Variants in RBMS1 observed in about 807,000 individuals in gnomAD.
The protein encoded by RBMS1 is RNA binding motif single stranded interacting protein 1.
RBMS1 carries 17 observed loss-of-function variants against 62.3 expected under a neutral mutation model. That is an observed-to-expected ratio of 0.27 (90% CI 0.19 to 0.41). The LOEUF is 0.41. Among genes scored for constraint, RBMS1 ranks in the 10% least tolerant of loss-of-function variants. The pLI is 1.00. For synonymous variants in RBMS1, 172 were observed against 170.0 expected (o/e 1.01, Z -0.09); for missense variants, 334 against 504.5 (o/e 0.66, Z 3.24).
intron 1 of RBMS1, among the ~76,000 whole-genome samples, chr2:160,414,709 T>C (rs534875588): frequency 4.6e-5 from 7 of 152,274 alleles, no homozygotes; most frequent in African/African-American, 1.7e-4. Flanking sequence ...GGGTTATCTA[T>C]AAGTTTCTGT....
intron 1 of RBMS1, among the ~76,000 whole-genome samples, chr2:160,424,375 G>GGA (rs1553522169): frequency 7.6e-6 from 1 of 131,688 alleles, no homozygotes; most frequent in Non-Finnish European, 1.6e-5. Flanking sequence ...TGGGGGGGGG[G>GGA]GGAAACAAAA....
At chr2:160,463,572 G>C (rs1352138279) in intron 1 of RBMS1, among the ~76,000 whole-genome samples, 1 of 152,188 alleles carries the variant, frequency 6.6e-6, no homozygotes, top group African/African-American at 2.4e-5. Context: ...ATCATCTGAG[G>C]TCAGGAGTTC....
rs796375574 is a variant in RBMS1, at chr2:160,455,045, CAA to C, written c.75+38242_75+38243del. Among the ~76,000 whole-genome samples, 175 of 152,290 alleles carry C rather than the reference CAA, an allele frequency of 1.1e-3. 2 individuals are homozygous for C. Among genetic ancestry groups the C allele is most frequent in the African/African-American group, 3.8e-3 (158 of 41,550 alleles). On this transcript the variant is annotated intron_variant, in intron 1 of 13. Transcript: ENST00000348849. Reference sequence around the variant, plus strand: ...CTCTGAATCGTATACTTCAGGTACACAAAGTTACAATGCAGATCCTGGTTCCT... The same window carrying C: ...CTCTGAATCGTATACTTCAGGTACACAGTTACAATGCAGATCCTGGTTCCT...
intron 1 of RBMS1, among the ~76,000 whole-genome samples, chr2:160,439,358 G>C (rs913454190): frequency 1.3e-5 from 2 of 150,914 alleles, no homozygotes; most frequent in African/African-American, 4.9e-5. Flanking sequence ...GCCAGGCAGA[G>C]GGTCTCCTCA....
intron 1 of RBMS1, among the ~76,000 whole-genome samples, chr2:160,441,386 T>C (rs1008114954): frequency 1.3e-5 from 2 of 152,196 alleles, no homozygotes; most frequent in African/African-American, 4.8e-5. Flanking sequence ...TACCTAAGGG[T>C]GGTATTTCTG....
chr2:160,284,604 C>T (rs1242902407), intron 9 of RBMS1, 171 bp downstream of exon 9: 1 of 619,872 alleles, frequency 1.6e-6, no homozygotes, highest in Non-Finnish European at 2.9e-6. Context: ...TTCTCCTATA[C>T]ATAAATTGCT....
At chr2:160,405,587 G>A (rs1389986723) in intron 1 of RBMS1, among the ~76,000 whole-genome samples, 1 of 152,158 alleles carries the variant, frequency 6.6e-6, no homozygotes, top group South Asian at 2.1e-4. Flanking sequence ...CCGGGGTCTT[G>A]TGTCTGTATA....
intron 1 of RBMS1, chr2:160,407,672 G>A (rs1196638493): frequency 1.2e-5 from 12 of 981,766 alleles, no homozygotes; most frequent in Non-Finnish European, 1.3e-5. Flanking sequence ...GCGCGGCGGC[G>A]GCCGGCGGGG....
In RBMS1 at chr2:160,311,234, A is replaced by ATCTATC. The variant is rs781541742; in HGVS notation, c.402+1921_402+1922insGATAGA. Reference sequence around the variant, plus strand: ...AATCTATCTATCTATCTATCTATCTATATATATATATATATATATATATAG... The same window carrying ATCTATC: ...AATCTATCTATCTATCTATCTATCTATCTATCTATATATATATATATATATATATAG... On this transcript the variant is annotated intron_variant, in intron 4 of 13. Transcript: ENST00000348849. Among the ~76,000 whole-genome samples, 570 of 107,416 alleles carry ATCTATC rather than the reference A, an allele frequency of 5.3e-3. 16 individuals carry two copies. The highest frequency in any genetic ancestry group is 0.034 in the South Asian group (107 of 3,130). The allele number at this position is 107,416 out of a possible 152,430, so 70.5% of individuals were successfully genotyped here.
chr2:160,386,540 CAAA>C (rs60611251), intron 1 of RBMS1, among the ~76,000 whole-genome samples: 15 of 138,316 alleles, frequency 1.1e-4, no homozygotes, highest in Non-Finnish European at 9.4e-5. Context: ...GACTCCATCT[CAAA>C]AAAAAAAAAA....
At chr2:160,332,490 C>A (rs1334390902) in intron 2 of RBMS1, among the ~76,000 whole-genome samples, 1 of 152,174 alleles carries the variant, frequency 6.6e-6, no homozygotes, top group African/African-American at 2.4e-5. Context: ...CTCATTCTCT[C>A]TGGGATTCAG....
chr2:160,292,052 T>G (rs893290271), intron 6 of RBMS1, among the ~76,000 whole-genome samples: 1 of 152,228 alleles, frequency 6.6e-6, no homozygotes, highest in Non-Finnish European at 1.5e-5. Context: ...TTTATTTGCA[T>G]AGTTTATTAT....
intron 2 of RBMS1, among the ~76,000 whole-genome samples, chr2:160,326,070 G>A (rs1287383734): frequency 1.3e-5 from 2 of 152,102 alleles, no homozygotes; most frequent in Admixed American, 1.3e-4. Flanking sequence ...GTATGTAGCT[G>A]GAATTGAAGC....
chr2:160,334,137 T>C (rs1000294021), intron 2 of RBMS1, among the ~76,000 whole-genome samples: 1 of 152,202 alleles, frequency 6.6e-6, no homozygotes, highest in Non-Finnish European at 1.5e-5. Context: ...TTATCTATAG[T>C]ACTTAAAGAT....
chr2:160,333,262 C>A (rs1275688322), intron 2 of RBMS1, among the ~76,000 whole-genome samples: 1 of 152,006 alleles, frequency 6.6e-6, no homozygotes, highest in East Asian at 1.9e-4. Context: ...ATATTGTGAT[C>A]CTAATAATAA....
intron 1 of RBMS1, among the ~76,000 whole-genome samples, chr2:160,374,979 C>A (rs981742332): frequency 6.6e-6 from 1 of 152,056 alleles, no homozygotes; most frequent in Non-Finnish European, 1.5e-5. Context: ...GTTAGAATAT[C>A]CAGATTCAAG....
At chr2:160,370,315 T>C (rs927139625) in intron 1 of RBMS1, among the ~76,000 whole-genome samples, 3 of 152,232 alleles carry the variant, frequency 2.0e-5, no homozygotes, top group African/African-American at 7.2e-5. Context: ...CAGAAATTTT[T>C]AAACCCAAGA....
chr2:160,457,910 C>A (rs992562299), intron 1 of RBMS1, among the ~76,000 whole-genome samples: 2 of 151,892 alleles, frequency 1.3e-5, no homozygotes, highest in African/African-American at 4.8e-5. Context: ...ATAAAGGTTT[C>A]TCTGACTCAT....
intron 3 of RBMS1, among the ~76,000 whole-genome samples, chr2:160,315,276 G>A (rs1480377997): frequency 6.6e-6 from 1 of 152,080 alleles, no homozygotes; most frequent in Non-Finnish European, 1.5e-5. Flanking sequence ...ATGCAACCTT[G>A]TGCTCTTTCA....
Sources: allele counts gnomAD v4.1 joint callset (sites outside exome capture counted in the v4.1 genomes callset), GRCh38; gene constraint gnomAD v4.1.1; transcripts MANE v1.5; gene names NCBI Gene and HGNC (gene_info 2026-07-23, HGNC 2026-07-21).